Variants in GSE1 observed in about 807,000 individuals in gnomAD.
GSE1 encodes genetic suppressor element 1.
A neutral mutation model predicts 112.6 loss-of-function variants in GSE1; 32 were observed. The ratio of observed to expected loss-of-function variants is 0.28; its 90% confidence interval spans 0.21 to 0.38. The LOEUF is 0.38. GSE1 is among the 10% of genes least tolerant of loss of function. GSE1 has a pLI of 1.00. For missense variants in GSE1, 2,348 were observed against 1,699.2 expected (o/e 1.38, Z -6.71); for synonymous variants, 1,115 against 735.6 (o/e 1.52, Z -8.35).
intron 1 of GSE1, among the ~76,000 whole-genome samples, chr16:85,188,450 AAC>A (rs2074754455): frequency 6.6e-6 from 1 of 152,088 alleles, no homozygotes; most frequent in Non-Finnish European, 1.5e-5. Flanking sequence ...AGACCTCAAA[AAC>A]ACAGGGACCT....
intron 2 of GSE1, among the ~76,000 whole-genome samples, chr16:85,548,227 C>CAAAAAAA (rs1241025677): frequency 2.9e-5 from 2 of 70,110 alleles, no homozygotes; most frequent in African/African-American, 1.1e-4. Context: ...GACTCTTTCT[C>CAAAAAAA]AAAAAAAAAA....
intron 1 of GSE1, among the ~76,000 whole-genome samples, chr16:85,252,352 A>G (rs968290206): frequency 6.7e-6 from 1 of 150,150 alleles, no homozygotes; most frequent in Non-Finnish European, 1.5e-5. Context: ...TCCATAGCAC[A>G]AAGTTCTGGA....
chr16:85,390,705 C>CG (rs1011296837), intron 2 of GSE1, among the ~76,000 whole-genome samples: 1 of 104,992 alleles, frequency 9.5e-6, no homozygotes, highest in African/African-American at 3.1e-5. Context: ...TTGTTCTGCC[C>CG]CCCCCACCCC....
At chr16:85,607,697 AG>A (rs150781540), upstream of GSE1, among the ~76,000 whole-genome samples, 3,273 of 152,244 alleles carry the variant, frequency 0.021, 94 homozygotes, top group African/African-American at 0.064. Flanking sequence ...CCTCCCCAAG[AG>A]GGGGCAGGCA....
At chr16:85,449,741 C>T (rs74573516) in intron 2 of GSE1, among the ~76,000 whole-genome samples, 344 of 152,284 alleles carry the variant, frequency 2.3e-3, no homozygotes, top group African/African-American at 7.6e-3. Flanking sequence ...GGGTTTGGAT[C>T]GCTGCTGTGT....
At chr16:85,669,632 T>G (rs1436793560) in intron 14 of GSE1, among the ~76,000 whole-genome samples, 1 of 152,242 alleles carries the variant, frequency 6.6e-6, no homozygotes, top group Non-Finnish European at 1.5e-5. Flanking sequence ...GATGAAATAT[T>G]TCCATCTTTG....
At chr16:85,335,845 G>GA (rs1555564655) in intron 1 of GSE1, among the ~76,000 whole-genome samples, 4 of 152,182 alleles carry the variant, frequency 2.6e-5, no homozygotes, top group Admixed American at 2.0e-4. Flanking sequence ...TGGGAGCAGG[G>GA]CGGGACACCC....
intron 1 of GSE1, among the ~76,000 whole-genome samples, chr16:85,188,270 G>A (rs912780338): frequency 8.3e-5 from 5 of 59,904 alleles, no homozygotes; most frequent in South Asian, 1.3e-3. Context: ...CTGCCTGACC[G>A]TCTGTCTGCG....
chr16:85,200,747 G>A (rs968271438), intron 1 of GSE1, among the ~76,000 whole-genome samples: 6 of 152,206 alleles, frequency 3.9e-5, no homozygotes, highest in African/African-American at 1.4e-4. Flanking sequence ...TAAGATGACG[G>A]GAAATGGACT....
At chr16:85,172,738 A>G (rs1450987799) in intron 1 of GSE1, among the ~76,000 whole-genome samples, 1 of 152,166 alleles carries the variant, frequency 6.6e-6, no homozygotes, top group Non-Finnish European at 1.5e-5. Context: ...GGGCAGAGGG[A>G]CGTGTGGATG....
chr16:85,476,905 G>A (rs1408229341), intron 2 of GSE1, among the ~76,000 whole-genome samples: 1 of 149,364 alleles, frequency 6.7e-6, no homozygotes, highest in Non-Finnish European at 1.5e-5. Flanking sequence ...GAGCTACCAT[G>A]CCTGGCATCG....
chr16:85,531,194 G>C (rs1191305182), intron 2 of GSE1, among the ~76,000 whole-genome samples: 1 of 152,244 alleles, frequency 6.6e-6, no homozygotes, highest in Non-Finnish European at 1.5e-5. Flanking sequence ...GAGCAATAGA[G>C]AGTGTGTCCT....
intron 1 of GSE1, among the ~76,000 whole-genome samples, chr16:85,349,385 T>G (rs541047281): frequency 6.6e-6 from 1 of 152,162 alleles, no homozygotes; most frequent in Non-Finnish European, 1.5e-5. Context: ...TTGAGCAGAA[T>G]GTCTTCGTAG....
At chr16:85,181,937 G>A (rs2074594807) in intron 1 of GSE1, among the ~76,000 whole-genome samples, 1 of 152,338 alleles carries the variant, frequency 6.6e-6, no homozygotes. Flanking sequence ...CGTCCTCCAG[G>A]CGTGCCCTTG....
At chr16:85,220,709 G>A (rs1004856075) in intron 1 of GSE1, among the ~76,000 whole-genome samples, 1 of 152,096 alleles carries the variant, frequency 6.6e-6, no homozygotes, top group Non-Finnish European at 1.5e-5. Context: ...TGCCACTCTC[G>A]TGCTCTCTCG....
chr16:85,472,436 G>T (rs2050324932), intron 2 of GSE1, among the ~76,000 whole-genome samples: 1 of 152,168 alleles, frequency 6.6e-6, no homozygotes, highest in Non-Finnish European at 1.5e-5. Flanking sequence ...CTGAGTGTCT[G>T]TCTTTGTGCT....
intron 2 of GSE1, among the ~76,000 whole-genome samples, chr16:85,641,689 C>T (rs1292603169): frequency 6.6e-6 from 1 of 152,264 alleles, no homozygotes; most frequent in Non-Finnish European, 1.5e-5. Flanking sequence ...CCTTCCAGAC[C>T]CGCACCATTC....
intron 1 of GSE1, among the ~76,000 whole-genome samples, chr16:85,349,382 G>C (rs1455725345): frequency 1.3e-5 from 2 of 152,206 alleles, no homozygotes; most frequent in African/African-American, 4.8e-5. Flanking sequence ...AGGTTGAGCA[G>C]AATGTCTTCG....
At position 85,675,547 on chromosome 16, in the gene GSE1, AG is replaced by A. The variant is rs1389549516; in HGVS notation, c.*3009del. 2 of 152,234 alleles carry A rather than the reference AG, an allele frequency of 1.3e-5. No homozygotes were observed. Among genetic ancestry groups the A allele is most frequent in the African/African-American group, 4.8e-5 (2 of 41,458 alleles). The allele number at this position is 152,234 out of a possible 1,614,324, so 9.4% of individuals were successfully genotyped here. On this transcript the variant is annotated 3_prime_UTR_variant, in exon 16 of 16. Coordinates refer to ENST00000253458, the MANE Select transcript of GSE1 (RefSeq NM_014615.5). ...AGGTTGCACCCTTAAGAGTATTCAG[AG>A]AGCATCAAAAGGAGCCCACACCTTC...
Sources: gnomAD v4.1 joint callset for allele counts (sites outside exome capture counted in the v4.1 genomes callset) on GRCh38, gnomAD v4.1.1 for gene constraint, MANE v1.5 for transcripts, NCBI Gene and HGNC (gene_info 2026-07-23, HGNC 2026-07-21) for gene names.